Variants in CABCOCO1 observed in about 807,000 individuals in gnomAD.
CABCOCO1 encodes ciliary associated calcium binding coiled-coil 1, also known as ciliary-associated calcium-binding coiled-coil protein 1.
In CABCOCO1, 28 loss-of-function variants were observed where a neutral mutation model predicts 35.7. That is an observed-to-expected ratio of 0.78 (90% CI 0.58 to 1.07). CABCOCO1 has a LOEUF of 1.07. Ranked by LOEUF, CABCOCO1 falls within the 50% of genes least tolerant of loss-of-function variation. CABCOCO1 has a pLI of 0.00. For missense variants in CABCOCO1, 326 were observed against 309.2 expected (o/e 1.05, Z -0.41); for synonymous variants, 95 against 100.1 (o/e 0.95, Z 0.30).
intron 3 of CABCOCO1, chr10:61,685,268 G>T (rs139334626): frequency 6.6e-6 from 1 of 152,200 alleles, no homozygotes; most frequent in Admixed American, 6.5e-5. Flanking sequence ...CTAAAGCCCA[G>T]TGTTGATTGA....
At chr10:61,724,544 C>A (rs1384571822) in intron 5 of CABCOCO1, among the ~76,000 whole-genome samples, 1 of 152,074 alleles carries the variant, frequency 6.6e-6, no homozygotes, top group Non-Finnish European at 1.5e-5. Context: ...GGAAAACACT[C>A]CCATATCTAA....
At chr10:61,714,861 A>G (rs1840821338) in intron 5 of CABCOCO1, among the ~76,000 whole-genome samples, 1 of 152,178 alleles carries the variant, frequency 6.6e-6, no homozygotes, top group African/African-American at 2.4e-5. Context: ...ATTTGATTGC[A>G]CTGTGGTCTG....
intron 5 of CABCOCO1, among the ~76,000 whole-genome samples, chr10:61,706,354 A>C (rs1840592567): frequency 6.6e-6 from 1 of 152,246 alleles, no homozygotes; most frequent in East Asian, 1.9e-4. Context: ...TTTTGAAATA[A>C]TATGATCATT....
chr10:61,665,548 A>G (rs1839139030), intron 1 of CABCOCO1, among the ~76,000 whole-genome samples: 1 of 62,618 alleles, frequency 1.6e-5, no homozygotes, highest in Non-Finnish European at 4.4e-5. Flanking sequence ...TCGATTTTGT[A>G]TCAATAATTT....
chr10:61,748,713 G>A (rs1043159018), intron 5 of CABCOCO1, among the ~76,000 whole-genome samples: 2 of 152,144 alleles, frequency 1.3e-5, no homozygotes, highest in African/African-American at 4.8e-5. Context: ...CAGTAAGATC[G>A]CATTCTCTGT....
chr10:61,663,114 G>C (rs1292964678), intron 1 of CABCOCO1, 82 bp downstream of exon 1: 1 of 207,034 alleles, frequency 4.8e-6, no homozygotes, highest in East Asian at 1.9e-4. Flanking sequence ...CGGAGTCTGC[G>C]GCCAAGCCAA....
intron 5 of CABCOCO1, among the ~76,000 whole-genome samples, chr10:61,703,215 G>A (rs987988778): frequency 7.3e-6 from 1 of 137,640 alleles, no homozygotes; most frequent in South Asian, 2.4e-4. Flanking sequence ...AATGTACAAA[G>A]GCTTGTGAGG....
At chr10:61,743,142 C>G (rs1841585875) in intron 5 of CABCOCO1, among the ~76,000 whole-genome samples, 1 of 152,110 alleles carries the variant, frequency 6.6e-6, no homozygotes, top group African/African-American at 2.4e-5. Context: ...ACAAGCAACC[C>G]TTTAATTACA....
chr10:61,694,969 C>T (rs1840256360), intron 5 of CABCOCO1, among the ~76,000 whole-genome samples: 1 of 151,974 alleles, frequency 6.6e-6, no homozygotes, highest in African/African-American at 2.4e-5. Context: ...TGTTAACTTC[C>T]TCTGTAAAAT....
At chr10:61,733,648 AT>A (rs890938443) in intron 5 of CABCOCO1, among the ~76,000 whole-genome samples, 48 of 152,042 alleles carry the variant, frequency 3.2e-4, no homozygotes, top group African/African-American at 1.2e-3. Flanking sequence ...TAGTTTTGTC[AT>A]TTTTTTCCTT....
intron 1 of CABCOCO1, among the ~76,000 whole-genome samples, chr10:61,672,230 T>G (rs143352598): frequency 1.6e-4 from 25 of 152,312 alleles, no homozygotes; most frequent in South Asian, 8.3e-4. Flanking sequence ...GCATGTATTA[T>G]GGCTTACTTG....
Position 61,674,743 on chromosome 10 carries a change from A to G in CABCOCO1, c.164+2008A>G, listed in dbSNP as rs187858356. ...ATGAAAGCAGCCAACAAAATGAAAC[A>G]TTAAAGTATCATTAAAACATATTTC... On this transcript the variant is annotated intron_variant, in intron 2 of 7. Transcript: ENST00000648843. 5.3e-5 allele frequency among the ~76,000 whole-genome samples: 8 copies of G among 152,296 alleles called. No individual in the cohort carries two copies. The East Asian group carries it at 9.6e-4, about 18-fold the overall frequency.
chr10:61,708,843 C>A (rs535489494), intron 5 of CABCOCO1, among the ~76,000 whole-genome samples: 1 of 152,204 alleles, frequency 6.6e-6, no homozygotes, highest in African/African-American at 2.4e-5. Flanking sequence ...AGGGCGTACT[C>A]CATAAATTTT....
chr10:61,680,422 ATT>A (rs1217884104), intron 2 of CABCOCO1, among the ~76,000 whole-genome samples: 1 of 125,150 alleles, frequency 8.0e-6, no homozygotes, highest in Non-Finnish European at 1.7e-5. Context: ...TATAATATAT[ATT>A]TATATATTAA....
intron 5 of CABCOCO1, among the ~76,000 whole-genome samples, chr10:61,709,379 C>T (rs10994885): frequency 0.55 from 83,652 of 151,740 alleles, 23,870 homozygotes; most frequent in Admixed American, 0.68. Flanking sequence ...ACAGAGCCAT[C>T]AAATTAAAAT....
chr10:61,724,646 G>A (rs1436332064), intron 5 of CABCOCO1, among the ~76,000 whole-genome samples: 3 of 152,110 alleles, frequency 2.0e-5, no homozygotes, highest in East Asian at 1.9e-4. Context: ...TGTCTCATCA[G>A]CCACAAAGGA....
chr10:61,708,951 A>C (rs1840659820), intron 5 of CABCOCO1, among the ~76,000 whole-genome samples: 1 of 152,130 alleles, frequency 6.6e-6, no homozygotes. Context: ...TAAACTTCTA[A>C]TCTGGAAACT....
At chr10:61,737,255 G>A (rs373539263) in intron 5 of CABCOCO1, among the ~76,000 whole-genome samples, 8 of 152,054 alleles carry the variant, frequency 5.3e-5, no homozygotes, top group South Asian at 2.1e-4. Flanking sequence ...ATGAGATAGC[G>A]TCTCACACCA....
chr10:61,752,087 G>A (rs1841801358), intron 5 of CABCOCO1, among the ~76,000 whole-genome samples: 1 of 152,166 alleles, frequency 6.6e-6, no homozygotes, highest in Non-Finnish European at 1.5e-5. Flanking sequence ...TTCAAGAAAA[G>A]CCAGGGAAAC....
Sources: gnomAD v4.1 joint callset for allele counts (sites outside exome capture counted in the v4.1 genomes callset) on GRCh38, gnomAD v4.1.1 for gene constraint, MANE v1.5 for transcripts, NCBI Gene and HGNC (gene_info 2026-07-23, HGNC 2026-07-21) for gene names.